SLC24A3: variants seen among roughly 807,000 people sequenced by gnomAD.
The protein encoded by SLC24A3 is sodium/potassium/calcium exchanger 3.
SLC24A3 carries 28 observed loss-of-function variants against 75.8 expected under a neutral mutation model. The observed-to-expected ratio is 0.37, with a 90% confidence interval of 0.27 to 0.51. The LOEUF is 0.51. Among genes scored for constraint, SLC24A3 ranks in the 20% least tolerant of loss-of-function variants. SLC24A3 has a pLI of 0.94. For missense variants in SLC24A3, 663 were observed against 847.8 expected, an observed-to-expected ratio of 0.78 and a Z score of 2.71; for synonymous variants, 372 against 334.1, an observed-to-expected ratio of 1.11 and a Z score of -1.24.
chr20:19,512,144 A>G (rs527276964), intron 2 of SLC24A3, among the ~76,000 whole-genome samples: 1 of 152,280 alleles, frequency 6.6e-6, no homozygotes, highest in East Asian at 1.9e-4. Context: ...TGACAAGAGG[A>G]GACAGTTTTG....
rs1446976258 is a variant in SLC24A3, at chr20:19,679,546, A to G, written c.768-2312A>G. 5.5e-3 allele frequency among the ~76,000 whole-genome samples: 708 copies of G among 128,630 alleles called. 1 individual carries two copies. The highest frequency in any genetic ancestry group is 7.6e-3 in the Middle Eastern group (2 of 264). 84.4% of individuals were successfully genotyped at this position (128,630 alleles called of 152,430 possible). ...AGAGGGAGACCGTGGGGAGGGGGAG[A>G]GGGAGAGGGAGAGGGAGAGGGAGAC... On this transcript the variant is annotated intron_variant, in intron 9 of 16. Coordinates refer to ENST00000328041, the MANE Select transcript of SLC24A3 (RefSeq NM_020689.4).
At chr20:19,320,690 G>T (rs975769717) in intron 2 of SLC24A3, among the ~76,000 whole-genome samples, 3 of 151,972 alleles carry the variant, frequency 2.0e-5, no homozygotes, top group Admixed American at 6.6e-5. Context: ...TCCGAGGGTG[G>T]GTGCCCAAAT....
chr20:19,452,896 C>G (rs1159487441), intron 2 of SLC24A3, among the ~76,000 whole-genome samples: 1 of 152,002 alleles, frequency 6.6e-6, no homozygotes, highest in African/African-American at 2.4e-5. Context: ...AAATATTAGC[C>G]ACCTGTACCA....
chr20:19,455,245 G>A (rs554210196), intron 2 of SLC24A3, among the ~76,000 whole-genome samples: 1 of 152,132 alleles, frequency 6.6e-6, no homozygotes, highest in South Asian at 2.1e-4. Context: ...AACAATTTTT[G>A]TTTTCTTTTT....
chr20:19,438,538 A>C (rs76456840), intron 2 of SLC24A3, among the ~76,000 whole-genome samples: 11,690 of 151,928 alleles, frequency 0.077, 1,413 homozygotes, highest in African/African-American at 0.26. Flanking sequence ...GGTAGTGTAG[A>C]CACCAAGCAA....
At chr20:19,312,614 C>A (rs1984486942) in intron 2 of SLC24A3, among the ~76,000 whole-genome samples, 2 of 152,198 alleles carry the variant, frequency 1.3e-5, no homozygotes, top group African/African-American at 4.8e-5. Context: ...GTTATTAATA[C>A]ACCAGTGAGA....
At chr20:19,269,255 A>G (rs1329850200) in intron 1 of SLC24A3, among the ~76,000 whole-genome samples, 2 of 152,242 alleles carry the variant, frequency 1.3e-5, no homozygotes, top group Non-Finnish European at 2.9e-5. Flanking sequence ...GTCCTTTTGG[A>G]CTGCACAGAC....
intron 3 of SLC24A3, among the ~76,000 whole-genome samples, chr20:19,546,726 A>G (rs547776562): frequency 6.6e-6 from 1 of 152,316 alleles, no homozygotes; most frequent in African/African-American, 2.4e-5. Flanking sequence ...CCATCTGCTC[A>G]TGGGAGTAAA....
chr20:19,246,438 T>A (rs985448333), intron 1 of SLC24A3, among the ~76,000 whole-genome samples: 6 of 152,162 alleles, frequency 3.9e-5, no homozygotes, highest in Non-Finnish European at 8.8e-5. Context: ...CAAAAATGAA[T>A]AATGTTAGAC....
intron 2 of SLC24A3, among the ~76,000 whole-genome samples, chr20:19,314,440 G>T (rs1251361388): frequency 1.3e-5 from 2 of 151,514 alleles, no homozygotes; most frequent in Admixed American, 1.3e-4. Context: ...TCAGCCTCCT[G>T]AGTAGCTGGG....
rs764327042 is a variant in SLC24A3 at position 19,654,141 on chromosome 20, GTCACTCTGGCCATTTCAGC to G, written c.687+8_687+26del. On this transcript the variant is annotated splice_donor_region_variant and intron_variant, in intron 7 of 16. Transcript: ENST00000328041. ...TCTGTGATCGCGCTCATCGTGGTGA[GTCACTCTGGCCATTTCAGC>G]TCCCATCAGTGCTCTTTTAAGCACC... is the stretch of plus-strand genomic sequence containing the variant. 104 of 1,613,252 alleles carry G rather than the reference GTCACTCTGGCCATTTCAGC, an allele frequency of 6.4e-5. No homozygotes were observed. Among genetic ancestry groups the G allele is most frequent in the Non-Finnish European group, 8.1e-5 (95 of 1,179,460 alleles).
At chr20:19,711,000 TATGCAGTCTCACTGCCTCCCAGTATGCAC>T (rs74215532) in intron 15 of SLC24A3, among the ~76,000 whole-genome samples, 105,738 of 150,984 alleles carry the variant, frequency 0.7, 37,559 homozygotes, top group East Asian at 0.94. Context: ...TGCCCTTTGC[TATGCAGTCTCACTGCCTCCCAGTATGCAC>T]ATGCAGTCTC....
intron 1 of SLC24A3, among the ~76,000 whole-genome samples, chr20:19,269,824 G>A (rs534525159): frequency 2.0e-5 from 3 of 152,182 alleles, no homozygotes; most frequent in African/African-American, 4.8e-5. Context: ...CCTGAGGCCC[G>A]TATAATAATA....
chr20:19,229,818 C>T (rs1035904926), intron 1 of SLC24A3, among the ~76,000 whole-genome samples: 1 of 151,972 alleles, frequency 6.6e-6, no homozygotes, highest in Non-Finnish European at 1.5e-5. Flanking sequence ...TTTTTTTCCC[C>T]TTGGTAATTT....
Position 19,681,885 on chromosome 20 carries a change from T to C in SLC24A3, c.795T>C (p.Phe265=). 1 of 1,614,094 alleles carries C rather than the reference T, an allele frequency of 6.2e-7. No individual in the cohort carries two copies. Among genetic ancestry groups the C allele is most frequent in the Non-Finnish European group, 8.5e-7 (1 of 1,180,012 alleles). ...ATAACGCTTGCATACATCAGTGCTTTGAGAGGAGGACAAAAGGTGCCGGGA... is the reference window on the plus strand; with the variant it reads ...ATAACGCTTGCATACATCAGTGCTTCGAGAGGAGGACAAAAGGTGCCGGGA... ...MKYNACIHQC[F]ERRTKGAGNM... The change falls in exon 10 of 17, where the codon TTT becomes TTC. Residue 265 remains phenylalanine (F), a synonymous_variant. Transcript: ENST00000328041.
At chr20:19,229,172 T>C (rs1981948313) in intron 1 of SLC24A3, among the ~76,000 whole-genome samples, 1 of 152,056 alleles carries the variant, frequency 6.6e-6, no homozygotes, top group Admixed American at 6.5e-5. Context: ...ACTTTTTTTG[T>C]TTTAATTTGT....
intron 2 of SLC24A3, among the ~76,000 whole-genome samples, chr20:19,450,801 G>A (rs1321921783): frequency 6.6e-6 from 1 of 152,044 alleles, no homozygotes; most frequent in Non-Finnish European, 1.5e-5. Context: ...GAGTTTGAGA[G>A]TAGCCTGGCC....
At chr20:19,610,173 C>T (rs1332365051) in intron 6 of SLC24A3, among the ~76,000 whole-genome samples, 1 of 151,982 alleles carries the variant, frequency 6.6e-6, no homozygotes, top group Non-Finnish European at 1.5e-5. Context: ...CTTTTCCTTC[C>T]ACTTCCTTCT....
chr20:19,301,485 G>A (rs901651994), intron 2 of SLC24A3, among the ~76,000 whole-genome samples: 1 of 152,116 alleles, frequency 6.6e-6, no homozygotes, highest in Non-Finnish European at 1.5e-5. Context: ...CCACATCCTT[G>A]GTTATCCTCA....
Sources: gnomAD v4.1 joint callset for allele counts (sites outside exome capture counted in the v4.1 genomes callset) on GRCh38, gnomAD v4.1.1 for gene constraint, MANE v1.5 for transcripts, NCBI Gene and HGNC (gene_info 2026-07-23, HGNC 2026-07-21) for gene names.